NEK1: variants seen among roughly 807,000 people sequenced by gnomAD.
The protein encoded by NEK1 is NIMA related kinase 1, also known as serine/threonine-protein kinase Nek1.
Under a neutral mutation model 182.1 loss-of-function variants are expected in NEK1, and 137 were observed. That is an observed-to-expected ratio of 0.75 (90% CI 0.65 to 0.87). The LOEUF is 0.87. NEK1 is among the 40% of genes least tolerant of loss of function. The pLI is 0.00. For synonymous variants in NEK1, 513 were observed against 492.2 expected, an observed-to-expected ratio of 1.04 and a Z score of -0.56; for missense variants, 1,391 against 1,494.4, an observed-to-expected ratio of 0.93 and a Z score of 1.14.
chr4:169,582,224 A>G (rs1324785427), intron 10 of NEK1, among the ~76,000 whole-genome samples: 1 of 149,636 alleles, frequency 6.7e-6, no homozygotes, highest in East Asian at 1.9e-4. Context: ...TGGTCCAGAC[A>G]CTCCAATAGG....
chr4:169,489,495 G>A (rs973541513), intron 23 of NEK1, among the ~76,000 whole-genome samples: 19 of 152,160 alleles, frequency 1.2e-4, no homozygotes, highest in African/African-American at 4.6e-4. Flanking sequence ...GCTAAGTATG[G>A]CCATATACAG....
At position 169,530,283 on chromosome 4, in the gene NEK1, T is replaced by G. The variant is rs186692515; in HGVS notation, c.1665+7526A>C. Among the ~76,000 whole-genome samples, 11 of 152,328 alleles carry G rather than the reference T, an allele frequency of 7.2e-5. 1 individual carries two copies. Among genetic ancestry groups the G allele is most frequent in the African/African-American group, 2.6e-4 (11 of 41,568 alleles). The stretch of plus-strand genomic sequence containing the variant: ...AAAGGTTACAACATACCATTACGTG[T>G]GCAGACAGTTTCCCACTTATGATAG... On this transcript the variant is annotated intron_variant, in intron 19 of 35. Coordinates refer to ENST00000507142, the MANE Select transcript of NEK1 (RefSeq NM_001199397.3).
intron 28 of NEK1, among the ~76,000 whole-genome samples, chr4:169,434,209 T>G (rs1737967915): frequency 6.8e-6 from 1 of 146,716 alleles, no homozygotes; most frequent in African/African-American, 2.5e-5. Context: ...ATAGTTTTTT[T>G]TTTTTTTTTT....
chr4:169,505,597 A>T (rs1008912679), intron 23 of NEK1, among the ~76,000 whole-genome samples: 1 of 152,224 alleles, frequency 6.6e-6, no homozygotes, highest in African/African-American at 2.4e-5. Context: ...TTGACTGTGC[A>T]AGGGGCCAAT....
At chr4:169,483,130 G>A (rs938051419) in intron 23 of NEK1, among the ~76,000 whole-genome samples, 1 of 152,086 alleles carries the variant, frequency 6.6e-6, no homozygotes, top group African/African-American at 2.4e-5. Context: ...GTCATTAAGT[G>A]GCCTAATTTC....
At chr4:169,500,904 A>G (rs1752312925) in intron 23 of NEK1, among the ~76,000 whole-genome samples, 1 of 152,262 alleles carries the variant, frequency 6.6e-6, no homozygotes, top group Non-Finnish European at 1.5e-5. Context: ...AACCTCACGT[A>G]TCAGTATTAA....
chr4:169,576,150 A>G (rs917169294), intron 12 of NEK1, among the ~76,000 whole-genome samples: 2 of 151,916 alleles, frequency 1.3e-5, no homozygotes, highest in African/African-American at 4.8e-5. Flanking sequence ...TTTTTAGTAG[A>G]GAAAGGGTTT....
chr4:169,556,070 G>A lies in NEK1; in HGVS notation c.1292C>T (p.Thr431Ile). The A allele has an allele frequency of 6.2e-7, 1 of 1,613,160 alleles. No homozygotes were observed. The highest frequency in any genetic ancestry group is 1.7e-5 in the Admixed American group (1 of 59,836). ...VKAPFLGSGG[T>I]IAPSSFSSRG... Reference sequence around the variant, plus strand: ...AGAAGAAAAAGATGATGGAGCTATAGTCCCTCCACTGCCCAGAAAAGGAGC... The same window carrying A: ...AGAAGAAAAAGATGATGGAGCTATAATCCCTCCACTGCCCAGAAAAGGAGC... The change falls in exon 17 of 36, where the codon ACT becomes ATT. Residue 431 changes from threonine to isoleucine, a missense_variant. This residue lies in a region of NEK1 where 1,216 missense variants were observed against 1,277.6 expected (regional missense o/e 0.95). Coordinates refer to ENST00000507142, the MANE Select transcript of NEK1 (RefSeq NM_001199397.3).
chr4:169,582,673 G>C (rs1033433307), intron 10 of NEK1, among the ~76,000 whole-genome samples: 1 of 152,228 alleles, frequency 6.6e-6, no homozygotes, highest in South Asian at 2.1e-4. Flanking sequence ...CATGTGAATT[G>C]AGAGATGGGG....
intron 19 of NEK1, among the ~76,000 whole-genome samples, chr4:169,515,676 C>CAG (rs1755105501): frequency 1.0e-5 from 1 of 99,258 alleles, no homozygotes; most frequent in African/African-American, 3.9e-5. Flanking sequence ...CCACAGTCCC[C>CAG]AGAGTGTGAT....
At chr4:169,580,698 A>T in intron 11 of NEK1, 144 bp downstream of exon 11, 1 of 581,090 alleles carries the variant, frequency 1.7e-6, no homozygotes, top group Non-Finnish European at 3.1e-6. Flanking sequence ...ATTGCCATAA[A>T]ACATTAATAA....
In NEK1 at chr4:169,438,116, G is replaced by C. The variant is rs6828134; in HGVS notation, c.2731C>G (p.Gln911Glu). Residue 911 changes from glutamine (Q) to glutamate (E), a missense_variant, in exon 28 of 36, where the codon CAG becomes GAG. Gln to Glu is a conservative substitution (Grantham distance 29). This residue lies in a region of NEK1 where 1,216 missense variants were observed against 1,277.6 expected (regional missense o/e 0.95). Coordinates refer to ENST00000507142, the MANE Select transcript of NEK1 (RefSeq NM_001199397.3). The stretch of plus-strand genomic sequence containing the variant: ...TTTCCTTCCAGTTTCAATGACATCT[G>C]TGGAGATGCCTCACTGAACTCGGGA... ...KSPEFSEASP[Q>E]MSLKLEGNLE... The C allele has an allele frequency of 9.2e-4, 1,491 of 1,612,356 alleles. 11 individuals carry two copies. In the African/African-American group the frequency reaches 0.018, roughly 19 times the overall value.
At chr4:169,545,373 T>C (rs1245164525) in intron 18 of NEK1, among the ~76,000 whole-genome samples, 3 of 151,920 alleles carry the variant, frequency 2.0e-5, no homozygotes, top group East Asian at 1.9e-4. Context: ...CTACAAAGGA[T>C]ATGAACTCAT....
intron 31 of NEK1, among the ~76,000 whole-genome samples, chr4:169,411,512 G>A (rs1399832346): frequency 6.6e-6 from 1 of 152,090 alleles, no homozygotes; most frequent in East Asian, 1.9e-4. Context: ...TTTTAGTAGA[G>A]ATGGGGTTTC....
intron 31 of NEK1, among the ~76,000 whole-genome samples, chr4:169,410,196 T>A (rs1033444064): frequency 1.1e-4 from 16 of 149,328 alleles, no homozygotes; most frequent in African/African-American, 3.4e-4. Flanking sequence ...ATGTACAGTA[T>A]TTTTTTTTTC....
At chr4:169,490,694 G>C (rs1342923526) in intron 23 of NEK1, among the ~76,000 whole-genome samples, 1 of 151,908 alleles carries the variant, frequency 6.6e-6, no homozygotes, top group Non-Finnish European at 1.5e-5. Context: ...TAAAAACTGA[G>C]AGCTTCAACA....
intron 12 of NEK1, among the ~76,000 whole-genome samples, chr4:169,567,415 T>A (rs1763891154): frequency 6.6e-6 from 1 of 152,132 alleles, no homozygotes; most frequent in African/African-American, 2.4e-5. Context: ...ATTTTTTTTT[T>A]TTTGAGACAC....
At chr4:169,560,583 T>A (rs1252685903) in intron 16 of NEK1, among the ~76,000 whole-genome samples, 1 of 152,124 alleles carries the variant, frequency 6.6e-6, no homozygotes, top group East Asian at 1.9e-4. Flanking sequence ...GGGAATGGAA[T>A]AACACAAGGT....
intron 12 of NEK1, among the ~76,000 whole-genome samples, chr4:169,567,725 A>C (rs1397727778): frequency 6.6e-6 from 1 of 152,140 alleles, no homozygotes; most frequent in East Asian, 1.9e-4. Flanking sequence ...GCTATATAAT[A>C]CTTCAAGGGC....
Sources: allele counts gnomAD v4.1 joint callset (sites outside exome capture counted in the v4.1 genomes callset), GRCh38; gene constraint gnomAD v4.1.1; regional missense constraint gnomAD v4.1.1; transcripts MANE v1.5; gene names NCBI Gene and HGNC (gene_info 2026-07-23, HGNC 2026-07-21).